ZNF618: variants seen among roughly 807,000 people sequenced by gnomAD.
ZNF618 encodes the protein zinc finger protein 618, also known as neural precursor cell expressed, developmentally down-regulated 10.
ZNF618 carries 34 observed loss-of-function variants against 103.0 expected under a neutral mutation model. The ratio of observed to expected loss-of-function variants is 0.33; its 90% CI spans 0.25 to 0.44. ZNF618 has a LOEUF of 0.44. ZNF618 is among the 20% of genes least tolerant of loss of function. The pLI, the probability that ZNF618 is intolerant of heterozygous loss-of-function variation, is 1.00. For missense variants in ZNF618, 1,059 were observed against 1,295.4 expected, an observed-to-expected ratio of 0.82 and a Z score of 2.80; for synonymous variants, 551 against 542.2, an observed-to-expected ratio of 1.02 and a Z score of -0.23.
At chr9:113,905,112 C>G (rs1830875008) in intron 1 of ZNF618, among the ~76,000 whole-genome samples, 2 of 152,138 alleles carry the variant, frequency 1.3e-5, no homozygotes, top group Non-Finnish European at 2.9e-5. Flanking sequence ...CTCTGTCACC[C>G]AGGCTGGAGT....
chr9:113,892,472 A>G (rs1587952858), intron 1 of ZNF618, among the ~76,000 whole-genome samples: 1 of 152,186 alleles, frequency 6.6e-6, no homozygotes, highest in Non-Finnish European at 1.5e-5. Flanking sequence ...GGCTGCCTGT[A>G]TACTTAACAC....
chr9:114,040,574 T>C (rs978715546), intron 13 of ZNF618, among the ~76,000 whole-genome samples: 51 of 152,260 alleles, frequency 3.3e-4, no homozygotes, highest in Non-Finnish European at 5.9e-4. Flanking sequence ...AGTGAGAACA[T>C]GCGGTGTTTG....
chr9:113,933,383 C>G (rs1250499251), intron 1 of ZNF618, among the ~76,000 whole-genome samples: 1 of 152,160 alleles, frequency 6.6e-6, no homozygotes, highest in East Asian at 1.9e-4. Flanking sequence ...GGGAAATTGC[C>G]AGCTCAGTGA....
At chr9:113,909,390 G>T (rs2131400908) in intron 1 of ZNF618, among the ~76,000 whole-genome samples, 1 of 152,172 alleles carries the variant, frequency 6.6e-6, no homozygotes, top group East Asian at 1.9e-4. Flanking sequence ...GATAAGGAAG[G>T]GGAAAAATCA....
Position 114,049,499 on chromosome 9 carries a change from A to G in ZNF618, c.2197A>G (p.Ser733Gly). 1 of 1,613,492 alleles carries G rather than the reference A, an allele frequency of 6.2e-7. No homozygotes were observed. Among genetic ancestry groups the G allele is most frequent in the Non-Finnish European group, 8.5e-7 (1 of 1,179,678 alleles). Residue 733 changes from serine to glycine, a missense_variant, in exon 15 of 15, where the codon AGC (serine) becomes GGC (glycine). Physicochemically the swap from Ser to Gly is moderately conservative, Grantham distance 56 (BLOSUM62 0). Transcript: ENST00000374126. Reference sequence around the variant, plus strand: ...CCAGAGCCTCAACAAGCACCTGCTCAGCAACCTGGCGGCCATCCTGACGCC... The same window carrying G: ...CCAGAGCCTCAACAAGCACCTGCTCGGCAACCTGGCGGCCATCCTGACGCC... Reference protein sequence around the residue: ...LIQSLNKHLLSNLAAILTPVK... With the variant: ...LIQSLNKHLLGNLAAILTPVK...
At chr9:114,044,324 T>C (rs1388122717) in intron 13 of ZNF618, among the ~76,000 whole-genome samples, 6 of 152,194 alleles carry the variant, frequency 3.9e-5, no homozygotes, top group South Asian at 2.1e-4. Flanking sequence ...CTTTATGTTT[T>C]TGTTTGCTTT....
At chr9:113,978,135 A>T (rs1053786331) in intron 2 of ZNF618, among the ~76,000 whole-genome samples, 3 of 152,242 alleles carry the variant, frequency 2.0e-5, no homozygotes, top group African/African-American at 7.2e-5. Context: ...TCAGTGATAC[A>T]TGACAGAAAT....
In ZNF618 at chr9:114,052,337, A is replaced by G. The variant is rs997955448; in HGVS notation, c.*2170A>G. Reference sequence around the variant, plus strand: ...GCAAACTGTGGTCTCAGGAACTACCATGCCATTTCCTCTCCTGGAGAAGTT... The same window carrying G: ...GCAAACTGTGGTCTCAGGAACTACCGTGCCATTTCCTCTCCTGGAGAAGTT... On this transcript the variant is annotated 3_prime_UTR_variant, in exon 15 of 15. Transcript: ENST00000374126. 6.6e-6 allele frequency: 1 copy of G among 152,602 alleles called. No individual in the cohort carries two copies. Among genetic ancestry groups the G allele is most frequent in the South Asian group, 2.1e-4 (1 of 4,818 alleles). The allele number at this position is 152,602 out of a possible 1,614,324, so 9.5% of individuals were successfully genotyped here.
At chr9:114,034,903 T>C (rs1844446878) in intron 12 of ZNF618, among the ~76,000 whole-genome samples, 1 of 152,312 alleles carries the variant, frequency 6.6e-6, no homozygotes, top group Admixed American at 6.5e-5. Flanking sequence ...CCAGTACTCA[T>C]GTGTCCTCAC....
chr9:113,939,061 A>G (rs1242128592), intron 1 of ZNF618, among the ~76,000 whole-genome samples: 2 of 151,890 alleles, frequency 1.3e-5, no homozygotes, highest in African/African-American at 2.4e-5. Flanking sequence ...TTCCCTCCCA[A>G]TATTTATGCT....
At chr9:113,909,376 T>A (rs1831292896) in intron 1 of ZNF618, among the ~76,000 whole-genome samples, 1 of 151,894 alleles carries the variant, frequency 6.6e-6, no homozygotes. Context: ...TGACCACAGA[T>A]GTGGATAAGG....
chr9:113,928,766 T>C (rs1833316271), intron 1 of ZNF618, among the ~76,000 whole-genome samples: 1 of 152,234 alleles, frequency 6.6e-6, no homozygotes, highest in Non-Finnish European at 1.5e-5. Context: ...CTTTTTGATG[T>C]GGTTAAGTAT....
intron 1 of ZNF618, among the ~76,000 whole-genome samples, chr9:113,946,960 G>A (rs1167943187): frequency 1.3e-5 from 2 of 152,198 alleles, no homozygotes; most frequent in Non-Finnish European, 2.9e-5. Flanking sequence ...TTCTGGGAAA[G>A]CCTGCCTCCT....
chr9:114,019,583 G>A (rs1342607232), intron 10 of ZNF618, among the ~76,000 whole-genome samples: 3 of 152,200 alleles, frequency 2.0e-5, no homozygotes, highest in Non-Finnish European at 2.9e-5. Context: ...GTATTTTCCT[G>A]ATAACTAATG....
At chr9:113,996,316 T>A (rs984606802) in intron 3 of ZNF618, among the ~76,000 whole-genome samples, 19 of 152,208 alleles carry the variant, frequency 1.2e-4, no homozygotes, top group African/African-American at 4.6e-4. Context: ...CTGTCCATTG[T>A]AAGGAACCAG....
chr9:113,909,676 A>G (rs1831326311), intron 1 of ZNF618, among the ~76,000 whole-genome samples: 1 of 152,076 alleles, frequency 6.6e-6, no homozygotes, highest in South Asian at 2.1e-4. Flanking sequence ...ACAGGGTGGA[A>G]ATGTTCATTC....
At chr9:113,987,071 G>A (rs1221342012) in intron 2 of ZNF618, among the ~76,000 whole-genome samples, 1 of 152,186 alleles carries the variant, frequency 6.6e-6, no homozygotes, top group Non-Finnish European at 1.5e-5. Context: ...CACAGACCAT[G>A]CTCTCCTCTG....
intron 1 of ZNF618, among the ~76,000 whole-genome samples, chr9:113,887,016 G>C (rs370852158): frequency 7.9e-6 from 1 of 127,292 alleles, no homozygotes; most frequent in South Asian, 2.4e-4. Flanking sequence ...GTGGCTACTA[G>C]GGAAATTTGA....
chr9:113,907,687 G>A (rs1383923865), intron 1 of ZNF618, among the ~76,000 whole-genome samples: 6 of 152,314 alleles, frequency 3.9e-5, no homozygotes, highest in Admixed American at 1.3e-4. Flanking sequence ...GCCACCTGTA[G>A]ACTGGTGTTT....
Sources: gnomAD v4.1 joint callset for allele counts (sites outside exome capture counted in the v4.1 genomes callset) on GRCh38, gnomAD v4.1.1 for gene constraint, MANE v1.5 for transcripts, NCBI Gene and HGNC (gene_info 2026-07-23, HGNC 2026-07-21) for gene names.